Variants in DTWD2 observed in about 807,000 individuals in gnomAD.
DTWD2 encodes DTW motif tRNA-uridine aminocarboxypropyltransferase 2, also known as tRNA-uridine aminocarboxypropyltransferase 2.
In DTWD2, 39 loss-of-function variants were observed where a neutral mutation model predicts 31.8. That is an observed-to-expected ratio of 1.22 (90% CI 0.95 to 1.60). The LOEUF is 1.60. Ranked by LOEUF, DTWD2 falls within the 40% of genes most tolerant of loss-of-function variation. The pLI is 0.00. For missense variants in DTWD2, 515 were observed against 381.5 expected (o/e 1.35, Z -2.92); for synonymous variants, 180 against 142.8 (o/e 1.26, Z -1.86).
chr5:118,984,333 C>T (rs1755372915), intron 1 of DTWD2, among the ~76,000 whole-genome samples: 1 of 150,926 alleles, frequency 6.6e-6, no homozygotes, highest in African/African-American at 2.4e-5. Flanking sequence ...TGGTGGCAGG[C>T]ACCTGTAGTC....
At chr5:118,972,574 G>GA (rs1436661242) in intron 1 of DTWD2, among the ~76,000 whole-genome samples, 1 of 152,144 alleles carries the variant, frequency 6.6e-6, no homozygotes, top group African/African-American at 2.4e-5. Flanking sequence ...CATTTCTACT[G>GA]AAACTATTCC....
chr5:118,857,657 T>C (rs1752169219), intron 4 of DTWD2, among the ~76,000 whole-genome samples: 1 of 152,150 alleles, frequency 6.6e-6, no homozygotes, highest in African/African-American at 2.4e-5. Context: ...TACTTTATGG[T>C]TACTGCTTTT....
intron 1 of DTWD2, among the ~76,000 whole-genome samples, chr5:118,965,133 C>G (rs1314750327): frequency 2.7e-5 from 4 of 149,992 alleles, no homozygotes; most frequent in African/African-American, 9.9e-5. Context: ...CCAGCTGCCC[C>G]GTCTGAGAAG....
intron 4 of DTWD2, among the ~76,000 whole-genome samples, chr5:118,926,664 G>T (rs563737574): frequency 6.6e-6 from 1 of 152,094 alleles, no homozygotes; most frequent in South Asian, 2.1e-4. Flanking sequence ...TTATACTAGC[G>T]GAAATATTGC....
chr5:118,837,321 C>T lies in DTWD2; in HGVS notation c.*3596G>A, dbSNP rs1751596359. On this transcript the variant is annotated 3_prime_UTR_variant, in exon 6 of 6. Coordinates refer to ENST00000510708, the MANE Select transcript of DTWD2 (RefSeq NM_173666.4). ...AATTAAATGCAAAGTTTCATTCCAT[C>T]TATAATGCAATATTATTTATTCATA... The T allele has an allele frequency of 6.6e-6, 1 of 152,132 alleles. No homozygotes were observed. The highest frequency in any genetic ancestry group is 2.4e-5 in the African/African-American group (1 of 41,434). 9.4% of individuals were successfully genotyped at this position (152,132 alleles called of 1,614,324 possible).
intron 4 of DTWD2, among the ~76,000 whole-genome samples, chr5:118,851,148 G>C (rs1482535637): frequency 2.0e-5 from 3 of 150,470 alleles, no homozygotes; most frequent in Non-Finnish European, 4.4e-5. Context: ...GAACCTGAGA[G>C]GCAGAGATTA....
At chr5:118,931,045 C>T (rs1228441464) in intron 3 of DTWD2, among the ~76,000 whole-genome samples, 4 of 151,104 alleles carry the variant, frequency 2.6e-5, no homozygotes, top group Admixed American at 1.3e-4. Flanking sequence ...AATTACATCT[C>T]AATAAAGCCC....
intron 1 of DTWD2, among the ~76,000 whole-genome samples, chr5:118,973,044 C>T (rs962613011): frequency 1.3e-4 from 19 of 149,846 alleles, no homozygotes; most frequent in Admixed American, 1.0e-3. Flanking sequence ...CAGAAACTTA[C>T]AGTCTGTTTT....
At chr5:118,965,995 A>T (rs965806284) in intron 1 of DTWD2, among the ~76,000 whole-genome samples, 8 of 151,738 alleles carry the variant, frequency 5.3e-5, no homozygotes, top group Admixed American at 2.0e-4. Context: ...AAGAGATGCC[A>T]GGAAGAAGTA....
chr5:118,917,276 T>C (rs1222840448), intron 4 of DTWD2, among the ~76,000 whole-genome samples: 4 of 152,164 alleles, frequency 2.6e-5, no homozygotes. Flanking sequence ...AAGGACATTT[T>C]ACAAAAGGAC....
rs1210046595 is a variant in DTWD2, at chr5:118,938,543, T to C, written c.404+653A>G. ...AGTTCTAATTTGCTTTAATTTAAAA[T>C]TCATCAGCAAATAATAATTTACTGG... On this transcript the variant is annotated intron_variant, in intron 3 of 5. Transcript: ENST00000510708. Among the ~76,000 whole-genome samples the C allele has an allele frequency of 2.6e-5, 4 of 152,084 alleles. 1 individual carries two copies. The highest frequency in any genetic ancestry group is 9.7e-5 in the African/African-American group (4 of 41,424).
chr5:118,945,774 A>AAAAAGAAAGAAAGAAAGAAAG (rs1336464124), intron 1 of DTWD2, among the ~76,000 whole-genome samples: 3 of 134,302 alleles, frequency 2.2e-5, no homozygotes, highest in African/African-American at 8.6e-5. Context: ...CAAAAAAAAA[A>AAAAAGAAAGAAAGAAAGAAAG]AAAGAAAGAA....
At position 118,978,110 on chromosome 5, in the gene DTWD2, C is replaced by T. The variant is rs547554631; in HGVS notation, c.218+10184G>A. On this transcript the variant is annotated intron_variant, in intron 1 of 5. Transcript: ENST00000510708. ...AAAAACAAGCAATGGGGAAAGGATT[C>T]CCTGCTTTTTTTTTTTTTAACTTTT... Among the ~76,000 whole-genome samples, 850 of 114,560 alleles carry T rather than the reference C, an allele frequency of 7.4e-3. 2 individuals are homozygous for T. Among genetic ancestry groups the T allele is most frequent in the African/African-American group, 0.026 (799 of 30,642 alleles). The allele number at this position is 114,560 out of a possible 152,430, so 75.2% of individuals were successfully genotyped here.
chr5:118,988,328 G>C lies in DTWD2; in HGVS notation c.184C>G (p.Pro62Ala). The C allele has an allele frequency of 6.5e-7, 1 of 1,541,796 alleles. No homozygotes were observed. ...GTGCACTCAGGCCTCCGCTCGGCCG[G>C]CTCCACCGGCAGCTCCCACAGCCCG... ...ADGLWELPVEPAERRPECTRC... is the reference protein window; with the variant it reads ...ADGLWELPVEAAERRPECTRC... The change falls in exon 1 of 6, where the codon CCG (proline) becomes GCG (alanine). Residue 62 changes from proline (P) to alanine (A), a missense_variant. Transcript: ENST00000510708.
At chr5:118,938,338 T>G (rs1290082019) in intron 3 of DTWD2, among the ~76,000 whole-genome samples, 2 of 152,134 alleles carry the variant, frequency 1.3e-5, no homozygotes, top group African/African-American at 4.8e-5. Flanking sequence ...AACAGACGAA[T>G]TTAGAAAGTT....
At chr5:118,860,435 C>A (rs545578448) in intron 4 of DTWD2, among the ~76,000 whole-genome samples, 1 of 151,794 alleles carries the variant, frequency 6.6e-6, no homozygotes, top group African/African-American at 2.4e-5. Flanking sequence ...ATAGTTTATT[C>A]AAACAGTCCA....
At chr5:118,955,833 T>C (rs972469454) in intron 1 of DTWD2, among the ~76,000 whole-genome samples, 1 of 152,030 alleles carries the variant, frequency 6.6e-6, no homozygotes, top group Non-Finnish European at 1.5e-5. Context: ...TCCTATGAAC[T>C]ATTATACTTG....
At chr5:118,850,544 G>A (rs191849905) in intron 4 of DTWD2, among the ~76,000 whole-genome samples, 1 of 138,792 alleles carries the variant, frequency 7.2e-6, no homozygotes, top group Non-Finnish European at 1.6e-5. Flanking sequence ...TAAAATGTAA[G>A]GCCAAGGACT....
chr5:118,938,935 G>A (rs1754114091), intron 3 of DTWD2, among the ~76,000 whole-genome samples: 1 of 150,144 alleles, frequency 6.7e-6, no homozygotes, highest in Non-Finnish European at 1.5e-5. Context: ...TGCCTTTTAA[G>A]TTAAACATAC....
Sources: allele counts gnomAD v4.1 joint callset (sites outside exome capture counted in the v4.1 genomes callset), GRCh38; gene constraint gnomAD v4.1.1; transcripts MANE v1.5; gene names NCBI Gene and HGNC (gene_info 2026-07-23, HGNC 2026-07-21).